ANXA8: variants seen among roughly 807,000 people sequenced by gnomAD.
The protein encoded by ANXA8 is annexin A8, also known as VAC-beta.
ANXA8 carries 9 observed loss-of-function variants against 26.8 expected under a neutral mutation model. That is an observed-to-expected ratio of 0.34 (90% CI 0.20 to 0.59). The LOEUF is 0.59. ANXA8 is among the 20% of genes least tolerant of loss of function. The pLI, the probability that ANXA8 is intolerant of heterozygous loss-of-function variation, is 0.84. For missense variants in ANXA8, 83 were observed against 238.5 expected (o/e 0.35, Z 4.29); for synonymous variants, 39 against 94.8 (o/e 0.41, Z 3.42).
At chr10:47,746,661 A>G in the ANXA8 span, among the ~76,000 whole-genome samples, 1 of 140,338 alleles carries the variant, frequency 7.1e-6, no homozygotes, top group Admixed American at 7.2e-5. Context: ...CTGGGCAACA[A>G]GAGTGAAACC....
the ANXA8 span, chr10:47,503,254 C>T: frequency 3.0e-5 from 46 of 1,544,814 alleles, 10 homozygotes; most frequent in African/African-American, 3.3e-4. Context: ...TTTTCCACTT[C>T]GCTTTAAGAG....
At chr10:47,549,897 A>G in the ANXA8 span, among the ~76,000 whole-genome samples, 1 of 142,992 alleles carries the variant, frequency 7.0e-6, no homozygotes. Context: ...TGAGCCCAGG[A>G]GTTTTGAGAT....
At chr10:47,485,631 A>G (rs1444499221), upstream of ANXA8, among the ~76,000 whole-genome samples, 2 of 151,984 alleles carry the variant, frequency 1.3e-5, no homozygotes, top group African/African-American at 4.8e-5. Context: ...AGCAAGAGAA[A>G]TAGGGGATGC....
At chr10:47,665,213 T>A in the ANXA8 span, among the ~76,000 whole-genome samples, 63 of 149,046 alleles carry the variant, frequency 4.2e-4, 3 homozygotes, top group African/African-American at 1.2e-3. Context: ...GCTATTTTTA[T>A]TTAAGGTATT....
the ANXA8 span, chr10:47,985,697 C>T: frequency 7.6e-6 from 1 of 132,298 alleles, no homozygotes; most frequent in Non-Finnish European, 1.6e-5. Context: ...CAGCTAACCT[C>T]TACCATGCCA....
At chr10:47,561,741 G>A in the ANXA8 span, among the ~76,000 whole-genome samples, 1 of 151,754 alleles carries the variant, frequency 6.6e-6, no homozygotes, top group African/African-American at 2.4e-5. Context: ...TTAAAGCAGT[G>A]AACATAACAA....
chr10:47,974,934 A>C, the ANXA8 span, among the ~76,000 whole-genome samples: 3 of 149,876 alleles, frequency 2.0e-5, no homozygotes, highest in Non-Finnish European at 4.5e-5. Context: ...TGAAATTAGA[A>C]AAAGAGGTTT....
the ANXA8 span, among the ~76,000 whole-genome samples, chr10:47,760,636 C>A: frequency 6.6e-6 from 1 of 151,024 alleles, no homozygotes; most frequent in African/African-American, 2.5e-5. Flanking sequence ...GCAAGCACTT[C>A]ATAAATGAAA....
the ANXA8 span, among the ~76,000 whole-genome samples, chr10:47,698,290 GA>G: frequency 7.4e-6 from 1 of 135,660 alleles, no homozygotes; most frequent in Non-Finnish European, 1.6e-5. Context: ...TTAAAATTAA[GA>G]GGCAAATTTT....
At chr10:47,970,452 C>T in the ANXA8 span, 2 of 150,974 alleles carry the variant, frequency 1.3e-5, no homozygotes, top group African/African-American at 2.4e-5. Context: ...TTTGAAGAGT[C>T]ACCTCCCCTA....
chr10:47,553,543 GCCGAC>G, the ANXA8 span: 1 of 162,042 alleles, frequency 6.2e-6, no homozygotes, highest in South Asian at 2.1e-4. Context: ...TCACCCTCGC[GCCGAC>G]TCGCCGGAGG....
At chr10:47,502,198 G>C in the ANXA8 span, 1 of 1,540,094 alleles carries the variant, frequency 6.5e-7, no homozygotes, top group Non-Finnish European at 8.8e-7. Context: ...CGTCCACCCC[G>C]TCAGGAGCTG....
At chr10:47,959,075 C>A in the ANXA8 span, among the ~76,000 whole-genome samples, 2 of 147,992 alleles carry the variant, frequency 1.4e-5, no homozygotes, top group Non-Finnish European at 1.5e-5. Flanking sequence ...CCAGTGGAAG[C>A]AGTTGGCCTT....
the ANXA8 span, among the ~76,000 whole-genome samples, chr10:47,496,724 C>T: frequency 1.1e-3 from 162 of 148,264 alleles, 5 homozygotes; most frequent in African/African-American, 3.8e-3. Context: ...TGAACCAGTA[C>T]TGATCAGTAT....
At chr10:47,707,641 C>A in the ANXA8 span, among the ~76,000 whole-genome samples, 1 of 136,126 alleles carries the variant, frequency 7.3e-6, no homozygotes, top group Non-Finnish European at 1.6e-5. Context: ...CTTGTCTTAG[C>A]CTCCCAAAGT....
At chr10:47,484,154 C>T (rs1839966526), upstream of ANXA8, 6 of 1,049,094 alleles carry the variant, frequency 5.7e-6, no homozygotes, top group Non-Finnish European at 7.3e-6. Flanking sequence ...CCAGGCCCCA[C>T]CCAGACACTG....
At chr10:47,932,854 C>T in the ANXA8 span, among the ~76,000 whole-genome samples, 1 of 58,762 alleles carries the variant, frequency 1.7e-5, no homozygotes, top group East Asian at 2.9e-4. Context: ...GTCTGTAGGA[C>T]TTCCCAGCCT....
the ANXA8 span, among the ~76,000 whole-genome samples, chr10:47,683,603 G>C: frequency 1.3e-5 from 2 of 151,854 alleles, no homozygotes; most frequent in African/African-American, 4.8e-5. Flanking sequence ...GTTCAATCAG[G>C]TCAAAGAATA....
the ANXA8 span, among the ~76,000 whole-genome samples, chr10:47,624,242 CA>C: frequency 1.3e-3 from 39 of 29,220 alleles, 2 homozygotes; most frequent in East Asian, 6.6e-3. Flanking sequence ...GACTCCATCT[CA>C]AAAAAAAAAA....
Sources: allele counts gnomAD v4.1 joint callset (sites outside exome capture counted in the v4.1 genomes callset), GRCh38; gene constraint gnomAD v4.1.1; transcripts MANE v1.5; gene names NCBI Gene and HGNC (gene_info 2026-07-23, HGNC 2026-07-21).